The following TBC1D5 variants were observed in gnomAD, a reference collection of about 807,000 sequenced individuals.
TBC1D5 encodes TBC1 domain family member 5, also known as TBC1 domain family, member 5.
Under a neutral mutation model 100.3 loss-of-function variants are expected in TBC1D5, and 75 were observed. That is an observed-to-expected ratio of 0.75 (90% CI 0.62 to 0.91). The LOEUF (loss-of-function observed/expected upper bound fraction) is 0.91, where lower values mean the gene tolerates loss of function less well. Ranked by LOEUF, TBC1D5 falls within the 40% of genes least tolerant of loss-of-function variation. TBC1D5 has a pLI of 0.00. For synonymous variants in TBC1D5, 323 were observed against 325.6 expected, an observed-to-expected ratio of 0.99 and a Z score of 0.09; for missense variants, 910 against 942.4, an observed-to-expected ratio of 0.97 and a Z score of 0.45.
At chr3:17,318,111 G>A (rs979309582) in intron 13 of TBC1D5, among the ~76,000 whole-genome samples, 1 of 151,514 alleles carries the variant, frequency 6.6e-6, no homozygotes, top group African/African-American at 2.4e-5. Context: ...ATCATTCTCA[G>A]TAAACTATCG....
At chr3:17,464,012 C>T (rs985724118) in intron 3 of TBC1D5, among the ~76,000 whole-genome samples, 3 of 139,106 alleles carry the variant, frequency 2.2e-5, no homozygotes, top group African/African-American at 5.5e-5. Context: ...AGTGCCACGG[C>T]GCGATCTTGG....
chr3:17,187,695 C>CAGGAA (rs2069312272), intron 18 of TBC1D5, among the ~76,000 whole-genome samples: 1 of 152,194 alleles, frequency 6.6e-6, no homozygotes, highest in Non-Finnish European at 1.5e-5. Flanking sequence ...CTGGTCCTGC[C>CAGGAA]TGGTCCTCCC....
chr3:17,573,382 T>G (rs1345470020), intron 2 of TBC1D5, among the ~76,000 whole-genome samples: 1 of 152,096 alleles, frequency 6.6e-6, no homozygotes, highest in Non-Finnish European at 1.5e-5. Flanking sequence ...TTCACATAAG[T>G]GTTCTTTCTA....
intron 3 of TBC1D5, among the ~76,000 whole-genome samples, chr3:17,445,456 T>A (rs563079253): frequency 6.6e-6 from 1 of 152,210 alleles, no homozygotes; most frequent in East Asian, 1.9e-4. Flanking sequence ...TAAGCCTCAA[T>A]ATTTTATTAT....
intron 16 of TBC1D5, among the ~76,000 whole-genome samples, chr3:17,242,330 GTTTA>G (rs1164088348): frequency 6.6e-6 from 1 of 151,706 alleles, no homozygotes; most frequent in Non-Finnish European, 1.5e-5. Context: ...CTTCCTCTAT[GTTTA>G]TTTTTTAGAT....
chr3:17,202,553 G>A (rs1210858447), intron 18 of TBC1D5, among the ~76,000 whole-genome samples: 1 of 152,236 alleles, frequency 6.6e-6, no homozygotes, highest in African/African-American at 2.4e-5. Flanking sequence ...GCATCTCAGA[G>A]ACCTTTGTGG....
chr3:17,162,636 CATAGCACACGGTAGTCTG>C (rs755541197), intron 21 of TBC1D5, among the ~76,000 whole-genome samples: 3 of 150,990 alleles, frequency 2.0e-5, no homozygotes, highest in Non-Finnish European at 2.9e-5. Flanking sequence ...CAAAGAAAAA[CATAGCACACGGTAGTCTG>C]ATAGCAGGGG....
intron 17 of TBC1D5, among the ~76,000 whole-genome samples, chr3:17,226,523 T>A (rs1304962576): frequency 6.6e-6 from 1 of 152,060 alleles, no homozygotes; most frequent in Non-Finnish European, 1.5e-5. Context: ...TGCCCGCAAC[T>A]GAAGAGAGCT....
rs575140428 is a variant in TBC1D5, at chr3:17,370,740, A to C, written c.995+1335T>G. On this transcript the variant is annotated intron_variant, in intron 13 of 21. Transcript: ENST00000253692. Reference sequence around the variant, plus strand: ...TATAAAATGAGAATATAAACAAAACACTATTCTCTTTTCTGGGTTAAATAA... The same window carrying C: ...TATAAAATGAGAATATAAACAAAACCCTATTCTCTTTTCTGGGTTAAATAA... Among the ~76,000 whole-genome samples the C allele has an allele frequency of 5.3e-5, 8 of 152,230 alleles. No homozygotes were observed. The East Asian group carries it at 1.5e-3, about 29-fold the overall frequency.
intron 19 of TBC1D5, among the ~76,000 whole-genome samples, chr3:17,173,695 G>A (rs1018501265): frequency 2.0e-5 from 3 of 152,094 alleles, no homozygotes; most frequent in Non-Finnish European, 2.9e-5. Context: ...TCTGGATTCT[G>A]TTTTTTGAGG....
At chr3:17,325,991 A>G (rs2086078584) in intron 13 of TBC1D5, among the ~76,000 whole-genome samples, 1 of 152,212 alleles carries the variant, frequency 6.6e-6, no homozygotes, top group South Asian at 2.1e-4. Context: ...ATATAGTATT[A>G]AAGTCAAGTG....
chr3:17,191,720 G>A (rs1454539338), intron 18 of TBC1D5, among the ~76,000 whole-genome samples: 3 of 151,796 alleles, frequency 2.0e-5, no homozygotes, highest in South Asian at 2.1e-4. Context: ...ACGTTCAGGC[G>A]ATTCTCCTGC....
intron 8 of TBC1D5, among the ~76,000 whole-genome samples, chr3:17,384,668 A>G (rs574231536): frequency 6.6e-6 from 1 of 152,204 alleles, no homozygotes; most frequent in Admixed American, 6.6e-5. Flanking sequence ...GAGGAGGAAC[A>G]TGGAACATCA....
chr3:17,311,085 G>A (rs1227797768), intron 13 of TBC1D5, among the ~76,000 whole-genome samples: 1 of 151,846 alleles, frequency 6.6e-6, no homozygotes, highest in Non-Finnish European at 1.5e-5. Context: ...TTATATTCTT[G>A]GAAAGAAAAA....
intron 2 of TBC1D5, among the ~76,000 whole-genome samples, chr3:17,579,404 A>G (rs1374929321): frequency 6.6e-6 from 1 of 151,950 alleles, no homozygotes; most frequent in Non-Finnish European, 1.5e-5. Flanking sequence ...CTCCCTTCCA[A>G]TTTGTCAATC....
intron 1 of TBC1D5, among the ~76,000 whole-genome samples, chr3:17,670,682 TAAAG>T (rs1241020711): frequency 6.6e-6 from 1 of 152,200 alleles, no homozygotes; most frequent in Non-Finnish European, 1.5e-5. Context: ...CTGGGAATAA[TAAAG>T]AAGCTCAATT....
At chr3:17,271,618 T>G (rs1187933309) in intron 15 of TBC1D5, among the ~76,000 whole-genome samples, 1 of 152,136 alleles carries the variant, frequency 6.6e-6, no homozygotes, top group Admixed American at 6.6e-5. Context: ...CCTGACTGCT[T>G]TGGCTAGGAC....
chr3:17,612,456 C>T (rs867659765), intron 2 of TBC1D5, among the ~76,000 whole-genome samples: 2 of 151,872 alleles, frequency 1.3e-5, no homozygotes, highest in African/African-American at 4.8e-5. Context: ...AGAGAAACCC[C>T]GTCTATACTA....
intron 1 of TBC1D5, among the ~76,000 whole-genome samples, chr3:17,648,175 C>T (rs920754897): frequency 8.6e-5 from 13 of 151,992 alleles, no homozygotes; most frequent in African/African-American, 2.4e-4. Context: ...GAAATAGGGC[C>T]GCACATCTAT....
Sources: allele counts gnomAD v4.1 joint callset (sites outside exome capture counted in the v4.1 genomes callset), GRCh38; gene constraint gnomAD v4.1.1; transcripts MANE v1.5; gene names NCBI Gene and HGNC (gene_info 2026-07-23, HGNC 2026-07-21).